Variants in CTNNA2 observed in about 807,000 individuals in gnomAD.
CTNNA2 encodes catenin alpha-2.
In CTNNA2, 42 loss-of-function variants were observed where a neutral mutation model predicts 101.0. That is an observed-to-expected ratio of 0.42 (90% CI 0.32 to 0.54). CTNNA2 has a LOEUF of 0.54. Ranked by LOEUF, CTNNA2 falls within the 20% of genes least tolerant of loss-of-function variation. The pLI is 0.14. For synonymous variants in CTNNA2, 450 were observed against 456.4 expected (o/e 0.99, Z 0.18); for missense variants, 871 against 1,223.1 (o/e 0.71, Z 4.29).
intron 16 of CTNNA2, among the ~76,000 whole-genome samples, chr2:80,606,412 A>ACACC (rs1011187162): frequency 1.1e-3 from 52 of 48,684 alleles, no homozygotes; most frequent in East Asian, 2.9e-3. Flanking sequence ...ACACACACAC[A>ACACC]CCCCCCAGGA....
intron 3 of CTNNA2, among the ~76,000 whole-genome samples, chr2:79,816,047 C>T (rs1052352566): frequency 1.3e-5 from 2 of 151,708 alleles, no homozygotes; most frequent in African/African-American, 2.4e-5. Flanking sequence ...TGATTTGATT[C>T]TCTGCTTGGT....
At chr2:80,199,905 C>G (rs576072803) in intron 7 of CTNNA2, among the ~76,000 whole-genome samples, 28 of 152,302 alleles carry the variant, frequency 1.8e-4, no homozygotes, top group African/African-American at 6.7e-4. Context: ...TGCCTATGTC[C>G]TGTTCTCTCT....
rs149395435 is a variant in CTNNA2, at chr2:79,303,478, G to A, written c.-405-9231G>A. The stretch of plus-strand genomic sequence containing the variant: ...GAGGTGGTCATGTATATTTACAAGC[G>A]TGTCTTTCAGGGTGCACTTCTTAAT... On this transcript the variant is annotated intron_variant, in intron 2 of 21. Transcript: ENST00000466387. Among the ~76,000 whole-genome samples, 8 of 152,214 alleles carry A rather than the reference G, an allele frequency of 5.3e-5. No individual in the cohort carries two copies. In the East Asian group the frequency reaches 9.7e-4, roughly 18 times the overall value.
At chr2:79,276,161 G>A (rs1675208130) in intron 2 of CTNNA2, among the ~76,000 whole-genome samples, 1 of 152,100 alleles carries the variant, frequency 6.6e-6, no homozygotes, top group Admixed American at 6.6e-5. Flanking sequence ...AGTAAGTGAA[G>A]GGCAGATTAA....
chr2:80,057,122 G>T (rs944686792), intron 7 of CTNNA2, among the ~76,000 whole-genome samples: 4 of 150,482 alleles, frequency 2.7e-5, no homozygotes, highest in African/African-American at 7.3e-5. Flanking sequence ...ATTTACAAAG[G>T]TTTACATAAA....
intron 7 of CTNNA2, among the ~76,000 whole-genome samples, chr2:80,210,612 A>C (rs992289799): frequency 1.3e-5 from 2 of 152,140 alleles, no homozygotes; most frequent in Non-Finnish European, 2.9e-5. Context: ...CCAGTCTATC[A>C]TTGATGGACA....
At chr2:79,726,790 A>G (rs139412750) in intron 2 of CTNNA2, among the ~76,000 whole-genome samples, 118 of 152,362 alleles carry the variant, frequency 7.7e-4, no homozygotes, top group Non-Finnish European at 1.1e-3. Flanking sequence ...CTATCTGCCT[A>G]TTGGCATAGT....
intron 7 of CTNNA2, among the ~76,000 whole-genome samples, chr2:80,043,050 TC>T: frequency 4.2e-5 from 1 of 23,618 alleles, no homozygotes; most frequent in South Asian, 9.7e-4. Context: ...CTTCTTTCTT[TC>T]TTTCTTTCTT....
At chr2:80,634,593 G>A (rs1293832156) in intron 18 of CTNNA2, among the ~76,000 whole-genome samples, 2 of 152,022 alleles carry the variant, frequency 1.3e-5, no homozygotes, top group African/African-American at 4.8e-5. Context: ...GATAAGATAA[G>A]TGATATTGAG....
At chr2:80,328,285 T>C (rs1481564393) in intron 7 of CTNNA2, 7 of 470,990 alleles carry the variant, frequency 1.5e-5, no homozygotes, top group Non-Finnish European at 3.1e-5. Flanking sequence ...AACTCCTTCT[T>C]TGCTCTGTCC....
intron 5 of CTNNA2, among the ~76,000 whole-genome samples, chr2:79,873,042 C>G (rs555545443): frequency 6.6e-6 from 1 of 152,334 alleles, no homozygotes; most frequent in South Asian, 2.1e-4. Flanking sequence ...CTGTTATTTT[C>G]TGTTCTCTAA....
intron 7 of CTNNA2, among the ~76,000 whole-genome samples, chr2:80,344,255 C>T (rs1193777577): frequency 1.3e-5 from 2 of 152,104 alleles, no homozygotes; most frequent in African/African-American, 4.8e-5. Context: ...CTTCTCATCT[C>T]CCTGATCTCT....
At chr2:80,474,798 A>G (rs973971341) in intron 9 of CTNNA2, among the ~76,000 whole-genome samples, 2 of 152,180 alleles carry the variant, frequency 1.3e-5, no homozygotes, top group African/African-American at 4.8e-5. Flanking sequence ...AACAGAAATA[A>G]AACCGTGGTA....
intron 4 of CTNNA2, among the ~76,000 whole-genome samples, chr2:79,485,106 C>A (rs1671144868): frequency 6.6e-6 from 1 of 151,918 alleles, no homozygotes; most frequent in African/African-American, 2.4e-5. Flanking sequence ...AGAAACAGAC[C>A]AAATGGTTAA....
At chr2:80,221,632 T>C (rs908733887) in intron 7 of CTNNA2, among the ~76,000 whole-genome samples, 5 of 152,178 alleles carry the variant, frequency 3.3e-5, no homozygotes, top group Admixed American at 2.0e-4. Context: ...CTTTCTTCCA[T>C]TGGTACCTCT....
chr2:80,015,571 G>A (rs564904020), intron 7 of CTNNA2, among the ~76,000 whole-genome samples: 5 of 152,108 alleles, frequency 3.3e-5, no homozygotes, highest in Admixed American at 2.0e-4. Flanking sequence ...GGTGTGTGCA[G>A]AAGGATACGG....
intron 2 of CTNNA2, among the ~76,000 whole-genome samples, chr2:79,673,624 GTAAA>G (rs1004236818): frequency 1.3e-5 from 2 of 152,062 alleles, no homozygotes; most frequent in African/African-American, 2.4e-5. Flanking sequence ...TTATGATTTT[GTAAA>G]TAAATGAATG....
chr2:80,283,740 C>G (rs1402074964), intron 7 of CTNNA2, among the ~76,000 whole-genome samples: 1 of 152,074 alleles, frequency 6.6e-6, no homozygotes, highest in African/African-American at 2.4e-5. Context: ...TCTCTTAGAG[C>G]TGGAAGGACA....
At chr2:80,245,622 C>T (rs1305090857) in intron 7 of CTNNA2, among the ~76,000 whole-genome samples, 1 of 151,798 alleles carries the variant, frequency 6.6e-6, no homozygotes, top group Non-Finnish European at 1.5e-5. Flanking sequence ...ATTCCTGCCC[C>T]TTCTCTAAGA....
Sources: allele counts gnomAD v4.1 joint callset (sites outside exome capture counted in the v4.1 genomes callset), GRCh38; gene constraint gnomAD v4.1.1; transcripts MANE v1.5; gene names NCBI Gene and HGNC (gene_info 2026-07-23, HGNC 2026-07-21).